SLC35F1: variants seen among roughly 807,000 people sequenced by gnomAD.
SLC35F1 encodes solute carrier family 35 member F1, also known as chromosome 6 open reading frame 169.
Under a neutral mutation model 48.7 loss-of-function variants are expected in SLC35F1, and 14 were observed. The observed-to-expected ratio is 0.29, with a 90% CI of 0.19 to 0.45. SLC35F1 has a LOEUF of 0.45. Among genes scored for constraint, SLC35F1 ranks in the 20% least tolerant of loss-of-function variants. The pLI is 1.00. For synonymous variants in SLC35F1, 190 were observed against 202.2 expected, an observed-to-expected ratio of 0.94 and a Z score of 0.51; for missense variants, 404 against 500.0, an observed-to-expected ratio of 0.81 and a Z score of 1.83.
At chr6:118,110,017 A>G (rs1773377165) in intron 1 of SLC35F1, among the ~76,000 whole-genome samples, 3 of 152,162 alleles carry the variant, frequency 2.0e-5, no homozygotes, top group Admixed American at 6.5e-5. Flanking sequence ...CCACAAACAA[A>G]TGTACAGATA....
intron 2 of SLC35F1, among the ~76,000 whole-genome samples, chr6:118,233,226 A>G (rs1379416195): frequency 1.3e-5 from 2 of 152,192 alleles, no homozygotes; most frequent in African/African-American, 4.8e-5. Flanking sequence ...CAGCCTCCCA[A>G]AGTGCTGGGA....
chr6:118,219,559 TG>T (rs1204136221), intron 2 of SLC35F1, among the ~76,000 whole-genome samples: 3 of 152,132 alleles, frequency 2.0e-5, no homozygotes, highest in African/African-American at 7.2e-5. Flanking sequence ...TTTACACTGT[TG>T]GTGGGACTGT....
chr6:118,204,965 C>T (rs1774915675), intron 2 of SLC35F1, among the ~76,000 whole-genome samples: 1 of 152,204 alleles, frequency 6.6e-6, no homozygotes, highest in Non-Finnish European at 1.5e-5. Context: ...GAGGTAAGAC[C>T]CAGGCTGACA....
intron 1 of SLC35F1, among the ~76,000 whole-genome samples, chr6:117,937,820 C>T (rs888759563): frequency 2.0e-5 from 3 of 152,160 alleles, no homozygotes; most frequent in African/African-American, 7.2e-5. Flanking sequence ...TAGGATAATT[C>T]CCTGCGAATT....
At chr6:118,185,098 G>GT (rs1179497375) in intron 2 of SLC35F1, among the ~76,000 whole-genome samples, 3 of 152,128 alleles carry the variant, frequency 2.0e-5, no homozygotes, top group African/African-American at 7.2e-5. Context: ...CTGCCTAGAT[G>GT]TATCAGTGAT....
At position 118,315,478 on chromosome 6, in the gene SLC35F1, C is replaced by G. The variant is rs1037574794; in HGVS notation, c.*1226C>G. 1 of 132,364 alleles carries G rather than the reference C, an allele frequency of 7.6e-6. No homozygotes were observed. The highest frequency in any genetic ancestry group is 1.5e-5 in the Non-Finnish European group (1 of 65,160). 8.2% of individuals were successfully genotyped at this position (132,364 alleles called of 1,614,324 possible). A position where few individuals can be genotyped will look rare whatever the true frequency, so the allele number is the denominator to read the frequency against. ...TTTTTGAGACGGAGTCTCACTCTGT[C>G]GCCCAGGCTGGAGTGCGGTGGCACG... On this transcript the variant is annotated 3_prime_UTR_variant, in exon 8 of 8. Transcript: ENST00000360388.
chr6:118,161,314 A>G (rs74809309), intron 2 of SLC35F1, among the ~76,000 whole-genome samples: 1 of 151,846 alleles, frequency 6.6e-6, no homozygotes, highest in Non-Finnish European at 1.5e-5. Context: ...AAAAAAAAAA[A>G]GCAGTGAAAG....
At chr6:118,172,643 G>A (rs1282569766) in intron 2 of SLC35F1, among the ~76,000 whole-genome samples, 1 of 152,104 alleles carries the variant, frequency 6.6e-6, no homozygotes, top group Admixed American at 6.6e-5. Context: ...AAGGAAATCT[G>A]TGGCTCAGAT....
At chr6:118,001,727 G>C (rs563898576) in intron 1 of SLC35F1, among the ~76,000 whole-genome samples, 102 of 151,844 alleles carry the variant, frequency 6.7e-4, no homozygotes, top group African/African-American at 1.9e-3. Context: ...TATCCAGAAT[G>C]TACAATGAAC....
At chr6:118,180,610 AAGAG>A (rs1774560973) in intron 2 of SLC35F1, among the ~76,000 whole-genome samples, 1 of 152,108 alleles carries the variant, frequency 6.6e-6, no homozygotes. Flanking sequence ...GATTCTACTA[AAGAG>A]AGAATTAGCG....
chr6:118,061,231 T>C (rs1216028172), intron 1 of SLC35F1, among the ~76,000 whole-genome samples: 1 of 152,236 alleles, frequency 6.6e-6, no homozygotes. Context: ...AATTGCTTTT[T>C]ACATGCATCA....
chr6:118,252,969 T>A (rs766967760), intron 3 of SLC35F1, among the ~76,000 whole-genome samples: 1 of 152,118 alleles, frequency 6.6e-6, no homozygotes, highest in Admixed American at 6.5e-5. Flanking sequence ...AGATGAGTTA[T>A]GTTTGAGCCT....
chr6:118,301,444 G>A (rs2114659969), intron 7 of SLC35F1, among the ~76,000 whole-genome samples: 1 of 152,220 alleles, frequency 6.6e-6, no homozygotes, highest in African/African-American at 2.4e-5. Context: ...ATGGAAATCA[G>A]AAAATGAGTT....
intron 2 of SLC35F1, among the ~76,000 whole-genome samples, chr6:118,182,481 G>T (rs1439705203): frequency 7.7e-6 from 1 of 130,466 alleles, no homozygotes; most frequent in African/African-American, 2.7e-5. Flanking sequence ...AACAGAGTGA[G>T]ACCCTGTCAA....
chr6:118,053,541 A>G (rs759588612), intron 1 of SLC35F1, among the ~76,000 whole-genome samples: 14 of 152,172 alleles, frequency 9.2e-5, no homozygotes, highest in Non-Finnish European at 1.9e-4. Flanking sequence ...TACATTTCAT[A>G]TAGTCTGTCT....
intron 1 of SLC35F1, among the ~76,000 whole-genome samples, chr6:118,001,997 T>TCCTA (rs1777104932): frequency 6.8e-6 from 1 of 146,196 alleles, no homozygotes; most frequent in African/African-American, 2.5e-5. Flanking sequence ...TTTTACACTG[T>TCCTA]TGGTGGGACT....
chr6:118,139,305 G>A (rs538189575), intron 1 of SLC35F1, among the ~76,000 whole-genome samples: 4 of 152,162 alleles, frequency 2.6e-5, no homozygotes, highest in African/African-American at 9.6e-5. Context: ...GTAGAGATGG[G>A]GTTTCACCGT....
chr6:118,006,731 G>A (rs1777178664), intron 1 of SLC35F1, among the ~76,000 whole-genome samples: 1 of 152,012 alleles, frequency 6.6e-6, no homozygotes. Flanking sequence ...GACATTTAAT[G>A]CAAAAATTTC....
chr6:118,277,454 C>G, intron 5 of SLC35F1, 40 bp from the exon 6 acceptor site: 1 of 1,578,128 alleles, frequency 6.3e-7, no homozygotes, highest in Non-Finnish European at 8.7e-7. Context: ...AGAGTGCATT[C>G]TAATCTTGCT....
Sources: gnomAD v4.1 joint callset for allele counts (sites outside exome capture counted in the v4.1 genomes callset) on GRCh38, gnomAD v4.1.1 for gene constraint, MANE v1.5 for transcripts, NCBI Gene and HGNC (gene_info 2026-07-23, HGNC 2026-07-21) for gene names.